The following SCUBE2 variants were observed in gnomAD, a reference collection of about 807,000 sequenced individuals.
SCUBE2 encodes the protein signal peptide, CUB and EGF-like domain-containing protein 2.
SCUBE2 carries 114 observed loss-of-function variants against 125.9 expected under a neutral mutation model. The ratio of observed to expected loss-of-function variants is 0.91; its 90% CI spans 0.78 to 1.06. SCUBE2 has a LOEUF of 1.06. SCUBE2 is among the 50% of genes least tolerant of loss of function. SCUBE2 has a pLI of 0.00. For synonymous variants in SCUBE2, 459 were observed against 492.9 expected, an observed-to-expected ratio of 0.93 and a Z score of 0.91; for missense variants, 1,255 against 1,301.8, an observed-to-expected ratio of 0.96 and a Z score of 0.55.
chr11:9,070,223 G>A lies in SCUBE2; in HGVS notation c.518-728C>T, dbSNP rs371513016. Among the ~76,000 whole-genome samples, 5 of 152,178 alleles carry A rather than the reference G, an allele frequency of 3.3e-5. No homozygotes were observed. The East Asian group carries it at 7.7e-4, about 23-fold the overall frequency. Reference sequence around the variant, plus strand: ...GTGGTAGCTGCTGTACAATTCTTTTGAGGTATACAGTAAATTCTGATTAGG... The same window carrying A: ...GTGGTAGCTGCTGTACAATTCTTTTAAGGTATACAGTAAATTCTGATTAGG... On this transcript the variant is annotated intron_variant, in intron 4 of 22. Transcript: ENST00000649792.
intron 3 of SCUBE2, 111 bp from the exon 4 acceptor site, chr11:9,074,726 T>C (rs1392349095): frequency 1.6e-6 from 2 of 1,240,274 alleles, no homozygotes; most frequent in Non-Finnish European, 2.3e-6. Flanking sequence ...TTCACGTCCC[T>C]GCACCACAGA....
At chr11:9,077,586 G>A (rs1371258235) in intron 3 of SCUBE2, among the ~76,000 whole-genome samples, 2 of 152,204 alleles carry the variant, frequency 1.3e-5, no homozygotes, top group African/African-American at 2.4e-5. Context: ...AGAAGTTAGG[G>A]CTCTGAGCTT....
chr11:9,032,298 T>C (rs1344963232), intron 17 of SCUBE2, among the ~76,000 whole-genome samples: 1 of 152,046 alleles, frequency 6.6e-6, no homozygotes, highest in East Asian at 1.9e-4. Context: ...TTTTTTTTAA[T>C]TTTTTTCTAC....
At chr11:9,045,731 A>G (rs867348691) in intron 16 of SCUBE2, among the ~76,000 whole-genome samples, 1 of 151,484 alleles carries the variant, frequency 6.6e-6, no homozygotes, top group Non-Finnish European at 1.5e-5. Context: ...CTTTACACCC[A>G]CTTCCTCCCT....
intron 12 of SCUBE2, 62 bp downstream of exon 12, chr11:9,053,037 T>G: frequency 7.1e-7 from 1 of 1,411,960 alleles, no homozygotes; most frequent in South Asian, 1.2e-5. Context: ...ATCTAACACC[T>G]GGAGGCCAGA....
chr11:9,058,955 A>G (rs1859387686), intron 9 of SCUBE2, among the ~76,000 whole-genome samples: 1 of 152,240 alleles, frequency 6.6e-6, no homozygotes, highest in Non-Finnish European at 1.5e-5. Context: ...ATAACATTAA[A>G]GGAAATTTTA....
At chr11:9,023,447 T>C (rs1346509881) in intron 21 of SCUBE2, among the ~76,000 whole-genome samples, 2 of 152,228 alleles carry the variant, frequency 1.3e-5, no homozygotes, top group Non-Finnish European at 2.9e-5. Flanking sequence ...TCTCTCCTCT[T>C]TTTGTTGATG....
chr11:9,019,505 T>C lies in SCUBE2; in HGVS notation c.*1540A>G, dbSNP rs140152362. ...GTATAACAAAGTCCAAGTGCTTGTTTTAATGCTATTTTTTTTTTAATGATG... is the reference window on the plus strand; with the variant it reads ...GTATAACAAAGTCCAAGTGCTTGTTCTAATGCTATTTTTTTTTTAATGATG... On this transcript the variant is annotated 3_prime_UTR_variant, in exon 23 of 23. Coordinates refer to ENST00000649792, the MANE Select transcript of SCUBE2 (RefSeq NM_001367977.2). Among the ~76,000 whole-genome samples, 464 of 125,970 alleles carry C rather than the reference T, an allele frequency of 3.7e-3. 3 individuals carry two copies. The highest frequency in any genetic ancestry group is 0.011 in the African/African-American group (433 of 39,800). 82.6% of individuals were successfully genotyped at this position (125,970 alleles called of 152,430 possible).
intron 16 of SCUBE2, among the ~76,000 whole-genome samples, chr11:9,039,353 G>A (rs1405950134): frequency 6.6e-6 from 1 of 152,198 alleles, no homozygotes; most frequent in East Asian, 1.9e-4. Flanking sequence ...CACACGGACT[G>A]GATGAGGAAC....
chr11:9,049,453 C>T (rs1431821697), intron 14 of SCUBE2, among the ~76,000 whole-genome samples: 2 of 151,674 alleles, frequency 1.3e-5, no homozygotes, highest in Non-Finnish European at 2.9e-5. Flanking sequence ...GTCATGTTAC[C>T]CAGGCCGCTC....
chr11:9,030,477 G>A (rs1856209889), intron 18 of SCUBE2: 3 of 454,096 alleles, frequency 6.6e-6, no homozygotes, highest in Non-Finnish European at 1.2e-5. Context: ...ATGGAGGAGG[G>A]CTAGAGGAAG....
At chr11:9,078,024 C>T (rs756836748) in intron 3 of SCUBE2, among the ~76,000 whole-genome samples, 9 of 152,148 alleles carry the variant, frequency 5.9e-5, no homozygotes, top group Non-Finnish European at 1.0e-4. Context: ...ATGAAGTCTG[C>T]CATCAGATAT....
rs934836810 is a variant in SCUBE2 at position 9,079,493 on chromosome 11, T to C, written c.273A>G (p.Gly91=). The part of the protein sequence containing the change: ...GRQCEDIDEC[G]NELNGGCVHD... ...GGACACAGCCTCCATTGAGCTCATT[T>C]CCACATTCATCGATGTCTGAGGAAT... Residue 91 remains glycine (G), a synonymous_variant, in exon 3 of 23, where the codon GGA becomes GGG. Coordinates refer to ENST00000649792, the MANE Select transcript of SCUBE2 (RefSeq NM_001367977.2). 3.1e-6 allele frequency: 5 copies of C among 1,613,796 alleles called. No homozygotes were observed. Among genetic ancestry groups the C allele is most frequent in the Non-Finnish European group, 4.2e-6 (5 of 1,179,874 alleles).
chr11:9,090,730 C>T (rs1241323170), intron 1 of SCUBE2, among the ~76,000 whole-genome samples: 1 of 152,052 alleles, frequency 6.6e-6, no homozygotes, highest in Non-Finnish European at 1.5e-5. Context: ...ATCCTCTCAA[C>T]CTGGAAACCC....
intron 7 of SCUBE2, among the ~76,000 whole-genome samples, chr11:9,063,007 G>A (rs755107746): frequency 5.3e-5 from 8 of 152,000 alleles, no homozygotes; most frequent in East Asian, 3.9e-4. Context: ...TTGAGAGGAC[G>A]AGACAGGTGG....
At chr11:9,052,620 C>T (rs145192630) in intron 13 of SCUBE2, 126 bp downstream of exon 13, 10 of 679,854 alleles carry the variant, frequency 1.5e-5, no homozygotes, top group Admixed American at 2.7e-5. Context: ...CACCCTGGAA[C>T]ATGCTCACAG....
intron 12 of SCUBE2, 46 bp downstream of exon 12, chr11:9,053,053 C>T (rs1858585396): frequency 6.5e-7 from 1 of 1,526,720 alleles, no homozygotes; most frequent in Non-Finnish European, 9.1e-7. Flanking sequence ...CCAGAGAGGC[C>T]TGGCCCCAGT....
At chr11:9,067,898 A>G (rs1860408816) in intron 5 of SCUBE2, among the ~76,000 whole-genome samples, 1 of 121,432 alleles carries the variant, frequency 8.2e-6, no homozygotes, top group Non-Finnish European at 1.6e-5. Context: ...CTGAAAGACT[A>G]TGAAATGTTG....
Position 9,033,373 on chromosome 11 carries a change from A to G in SCUBE2, c.2173+253T>C, listed in dbSNP as rs558180124. On this transcript the variant is annotated intron_variant, in intron 17 of 22. Coordinates refer to ENST00000649792, the MANE Select transcript of SCUBE2 (RefSeq NM_001367977.2). ...TATATTTCCAGTGAAGAAAGCACGC[A>G]GTTTCAACACTTACGCTCTTCTGCT... 7.2e-5 allele frequency among the ~76,000 whole-genome samples: 11 copies of G among 152,284 alleles called. No homozygotes were observed. In the South Asian group the frequency reaches 2.3e-3, roughly 32 times the overall value.
Sources: allele counts gnomAD v4.1 joint callset (sites outside exome capture counted in the v4.1 genomes callset), GRCh38; gene constraint gnomAD v4.1.1; transcripts MANE v1.5; gene names NCBI Gene and HGNC (gene_info 2026-07-23, HGNC 2026-07-21).